Variants in BACH2 observed in about 807,000 individuals in gnomAD.
BACH2 encodes the protein BACH transcriptional regulator 2, also known as transcription regulator protein BACH2.
A neutral mutation model predicts 61.8 loss-of-function variants in BACH2; 5 were observed. That is an observed-to-expected ratio of 0.08 (90% CI 0.04 to 0.17). The LOEUF is 0.17. Among genes scored for constraint, BACH2 ranks in the 10% least tolerant of loss-of-function variants. The probability of loss-of-function intolerance (pLI) is 1.00; values close to 1 mark genes in which losing one functional copy is unlikely to be tolerated. For synonymous variants in BACH2, 446 were observed against 440.1 expected (o/e 1.01, Z -0.17); for missense variants, 824 against 1,091.1 (o/e 0.76, Z 3.45).
chr6:90,143,562 T>C (rs1236253622), intron 4 of BACH2, among the ~76,000 whole-genome samples: 4 of 152,180 alleles, frequency 2.6e-5, no homozygotes, highest in African/African-American at 9.6e-5. Context: ...CCAGTTTGCC[T>C]TTCTGAAAGC....
At chr6:90,186,602 G>C (rs1270985452) in intron 4 of BACH2, among the ~76,000 whole-genome samples, 1 of 152,094 alleles carries the variant, frequency 6.6e-6, no homozygotes, top group Non-Finnish European at 1.5e-5. Flanking sequence ...AAAATATGCA[G>C]GAAATGTGAA....
At position 90,225,618 on chromosome 6, in the gene BACH2, G is replaced by C. The variant is rs533033851; in HGVS notation, c.-274-18937C>G. 1.6e-4 allele frequency among the ~76,000 whole-genome samples: 24 copies of C among 152,236 alleles called. No homozygotes were observed. In the East Asian group the frequency reaches 2.9e-3, roughly 18 times the overall value. On this transcript the variant is annotated intron_variant, in intron 3 of 8. Coordinates refer to ENST00000257749, the MANE Select transcript of BACH2 (RefSeq NM_021813.4). The stretch of plus-strand genomic sequence containing the variant: ...AACGCATACTGGAGCCTGTTAGAGG[G>C]GGGTGGGGAGGGAGAGCATCAGGAT...
intron 6 of BACH2, among the ~76,000 whole-genome samples, chr6:89,957,753 T>A (rs1012077583): frequency 2.0e-5 from 3 of 152,138 alleles, no homozygotes; most frequent in African/African-American, 7.2e-5. Flanking sequence ...GTTGCCCAGG[T>A]GGTCTCAAAC....
chr6:90,103,269 G>A (rs911106066), intron 4 of BACH2, among the ~76,000 whole-genome samples: 1 of 151,562 alleles, frequency 6.6e-6, no homozygotes, highest in African/African-American at 2.4e-5. Flanking sequence ...TGACTAATTG[G>A]GGAGGTGTGG....
At chr6:90,296,023 C>T (rs1772358525) in intron 1 of BACH2, among the ~76,000 whole-genome samples, 1 of 152,196 alleles carries the variant, frequency 6.6e-6, no homozygotes. Flanking sequence ...GAGCTGGGAT[C>T]GCAGGCTGGG....
intron 2 of BACH2, among the ~76,000 whole-genome samples, chr6:90,269,979 A>G (rs1478852305): frequency 1.3e-5 from 2 of 152,136 alleles, no homozygotes; most frequent in Non-Finnish European, 2.9e-5. Context: ...ATGATACACT[A>G]TATTTGGTTT....
intron 6 of BACH2, among the ~76,000 whole-genome samples, chr6:89,965,001 C>T (rs1286614408): frequency 2.6e-5 from 4 of 152,190 alleles, no homozygotes; most frequent in Admixed American, 2.6e-4. Context: ...TCTCGTGCCT[C>T]AACCTCCCAA....
At chr6:89,996,531 C>T (rs1401509676) in intron 6 of BACH2, among the ~76,000 whole-genome samples, 2 of 152,080 alleles carry the variant, frequency 1.3e-5, no homozygotes, top group Non-Finnish European at 2.9e-5. Context: ...CTTATTTCCC[C>T]AAATCTCTCA....
intron 5 of BACH2, among the ~76,000 whole-genome samples, chr6:90,035,754 T>C (rs957461944): frequency 5.3e-5 from 8 of 152,076 alleles, no homozygotes; most frequent in Non-Finnish European, 7.4e-5. Context: ...AAAGAACTTG[T>C]AGATCATCTG....
At chr6:89,952,151 A>G (rs897835894) in intron 6 of BACH2, 1 of 406,402 alleles carries the variant, frequency 2.5e-6, no homozygotes, top group Non-Finnish European at 4.5e-6. Flanking sequence ...CTAATGAAAT[A>G]TCCTGGCAAA....
At chr6:90,270,972 G>A (rs1419401431) in intron 2 of BACH2, among the ~76,000 whole-genome samples, 1 of 152,180 alleles carries the variant, frequency 6.6e-6, no homozygotes, top group Non-Finnish European at 1.5e-5. Context: ...AACATAAAGT[G>A]AGGAAAGAAT....
intron 6 of BACH2, among the ~76,000 whole-genome samples, chr6:89,988,103 T>C (rs1776341797): frequency 6.6e-6 from 1 of 152,204 alleles, no homozygotes; most frequent in Non-Finnish European, 1.5e-5. Context: ...GGAGCATTGA[T>C]AGGATGAAAT....
chr6:90,086,567 C>G (rs181738294), intron 5 of BACH2, among the ~76,000 whole-genome samples: 1 of 152,170 alleles, frequency 6.6e-6, no homozygotes, highest in Non-Finnish European at 1.5e-5. Context: ...CCTACTCACT[C>G]GGTGACTGAA....
In BACH2 at chr6:90,290,509, A is replaced by G. The variant is rs1394972749; in HGVS notation, c.-446+5971T>C. On this transcript the variant is annotated intron_variant, in intron 1 of 8. Coordinates refer to ENST00000257749, the MANE Select transcript of BACH2 (RefSeq NM_021813.4). ...TGCCTCTAAGCAACAGTATTTCTGG[A>G]CACTTGGCCCATTTTGCACTATCCA... Among the ~76,000 whole-genome samples the G allele has an allele frequency of 2.6e-5, 4 of 152,350 alleles. No individual in the cohort carries two copies. In the East Asian group the frequency reaches 7.7e-4, roughly 29 times the overall value.
At chr6:90,156,720 G>T (rs978001307) in intron 4 of BACH2, among the ~76,000 whole-genome samples, 3 of 152,088 alleles carry the variant, frequency 2.0e-5, no homozygotes, top group African/African-American at 7.2e-5. Context: ...AAAGGCAGCA[G>T]ATTTCACAGG....
At chr6:90,171,986 C>CA (rs1190363803) in intron 4 of BACH2, among the ~76,000 whole-genome samples, 1 of 151,942 alleles carries the variant, frequency 6.6e-6, no homozygotes, top group Admixed American at 6.6e-5. Flanking sequence ...TAAACTTATA[C>CA]AAAAATGAAA....
chr6:90,233,317 T>C (rs1770157886), intron 3 of BACH2, among the ~76,000 whole-genome samples: 1 of 152,188 alleles, frequency 6.6e-6, no homozygotes, highest in African/African-American at 2.4e-5. Flanking sequence ...CATGAGAATA[T>C]CACTTTGGCA....
In BACH2 at chr6:90,296,508, G is replaced by A. The variant is rs1504215; in HGVS notation, c.-474C>T. The A allele has an allele frequency of 0.24, 36,422 of 151,206 alleles. 5,312 individuals carry two copies. Among genetic ancestry groups the A allele is most frequent in the Non-Finnish European group, 0.33 (22,563 of 67,582 alleles). The allele number at this position is 151,206 out of a possible 1,614,324, so 9.4% of individuals were successfully genotyped here. A position where few individuals can be genotyped will look rare whatever the true frequency, so the allele number is the denominator to read the frequency against. ...GCCGGAGAACTTTGCGTCCTTTTCC[G>A]CCTCCTCTTCCCCGCGTCTTCCCGG... On this transcript the variant is annotated 5_prime_UTR_variant, in exon 1 of 9. Transcript: ENST00000257749.
intron 2 of BACH2, among the ~76,000 whole-genome samples, chr6:90,261,079 C>G (rs1311896935): frequency 6.6e-6 from 1 of 152,180 alleles, no homozygotes; most frequent in East Asian, 1.9e-4. Flanking sequence ...ACGCTTCTAG[C>G]TGTAGATCTA....
Sources: gnomAD v4.1 joint callset for allele counts (sites outside exome capture counted in the v4.1 genomes callset) on GRCh38, gnomAD v4.1.1 for gene constraint, MANE v1.5 for transcripts, NCBI Gene and HGNC (gene_info 2026-07-23, HGNC 2026-07-21) for gene names.